Variants in GTF2H5 observed in about 807,000 individuals in gnomAD.
GTF2H5 encodes general transcription factor IIH subunit 5.
In GTF2H5, 5 loss-of-function variants were observed where a neutral mutation model predicts 7.1. The observed-to-expected ratio is 0.71, with a 90% CI of 0.37 to 1.49. GTF2H5 has a LOEUF of 1.49. Ranked by LOEUF, GTF2H5 falls within the 40% of genes most tolerant of loss-of-function variation. The probability of loss-of-function intolerance (pLI) is 0.03; values close to 1 mark genes in which losing one functional copy is unlikely to be tolerated. For synonymous variants in GTF2H5, 30 were observed against 31.7 expected, an observed-to-expected ratio of 0.95 and a Z score of 0.18; for missense variants, 80 against 83.0, an observed-to-expected ratio of 0.96 and a Z score of 0.14.
chr6:158,168,419 C>T (rs1583621482), intron 1 of GTF2H5, 24 bp downstream of exon 1: 4 of 152,350 alleles, frequency 2.6e-5, no homozygotes, highest in Admixed American at 1.3e-4. Context: ...GTCCGAGCGG[C>T]TGGGGAAAGT....
Position 158,170,342 on chromosome 6 carries a change from ACTGT to A in GTF2H5, c.-34-125_-34-122del, listed in dbSNP as rs1355731402. Reference sequence around the variant, plus strand: ...CAGAATGTCTTTTTTCTTAATGTTAACTGTCTTTCATAGACTTAACTGTTAAATA... The same window carrying A: ...CAGAATGTCTTTTTTCTTAATGTTAACTTTCATAGACTTAACTGTTAAATA... On this transcript the variant is annotated intron_variant, in intron 1 of 2. Coordinates refer to ENST00000607778, the MANE Select transcript of GTF2H5 (RefSeq NM_207118.3). 24 of 631,372 alleles carry A rather than the reference ACTGT, an allele frequency of 3.8e-5. No homozygotes were observed. The South Asian group carries it at 4.1e-4, about 11-fold the overall frequency. 39.1% of individuals were successfully genotyped at this position (631,372 alleles called of 1,614,324 possible).
At chr6:158,184,891 T>G (rs1238385765) in intron 2 of GTF2H5, among the ~76,000 whole-genome samples, 1 of 152,186 alleles carries the variant, frequency 6.6e-6, no homozygotes, top group Non-Finnish European at 1.5e-5. Flanking sequence ...AGAGTCATAC[T>G]TTATAGGAGC....
Position 158,192,015 on chromosome 6 carries a change from A to T in GTF2H5, c.74A>T (p.Glu25Val). 1.2e-6 allele frequency: 2 copies of T among 1,614,080 alleles called. No homozygotes were observed. The highest frequency in any genetic ancestry group is 1.7e-6 in the Non-Finnish European group (2 of 1,179,924). The change falls in exon 3 of 3, where the codon GAG becomes GTG. Residue 25 changes from glutamate to valine, a missense_variant. Coordinates refer to ENST00000607778, the MANE Select transcript of GTF2H5 (RefSeq NM_207118.3). ...AMKQFLLYLD[E>V]SNALGKKFII... is the part of the protein sequence containing the mutation. ...AAGCAGTTTCTGCTGTACTTGGATGAGTCCAATGCCCTGGGGAAGAAGTTC... is the reference window on the plus strand; with the variant it reads ...AAGCAGTTTCTGCTGTACTTGGATGTGTCCAATGCCCTGGGGAAGAAGTTC...
In GTF2H5 at chr6:158,196,311, T is replaced by C. The variant is rs902622808; in HGVS notation, c.*4154T>C. On this transcript the variant is annotated 3_prime_UTR_variant, in exon 3 of 3. Coordinates refer to ENST00000607778, the MANE Select transcript of GTF2H5 (RefSeq NM_207118.3). ...CAAAAAAAATAAAAATGAAAAGCAC[T>C]GATTGAATCTAGATTCCTTGAGTCC... 6.6e-6 allele frequency: 1 copy of C among 152,114 alleles called. No homozygotes were observed. The highest frequency in any genetic ancestry group is 2.4e-5 in the African/African-American group (1 of 41,428). 9.4% of individuals were successfully genotyped at this position (152,114 alleles called of 1,614,324 possible).
At chr6:158,177,598 T>A (rs1296505145) in intron 2 of GTF2H5, among the ~76,000 whole-genome samples, 1 of 152,196 alleles carries the variant, frequency 6.6e-6, no homozygotes, top group East Asian at 1.9e-4. Flanking sequence ...ATACTTTAAG[T>A]TCTGGGTTAA....
In GTF2H5 at chr6:158,192,198, C is replaced by T; in HGVS notation, c.*41C>T. On this transcript the variant is annotated 3_prime_UTR_variant, in exon 3 of 3. Transcript: ENST00000607778. ...ACCATTTAGGAATTATAAGCAGCAACTGTGAAAGACTTGCCACTCAATATC... is the reference window on the plus strand; with the variant it reads ...ACCATTTAGGAATTATAAGCAGCAATTGTGAAAGACTTGCCACTCAATATC... The T allele has an allele frequency of 1.4e-6, 2 of 1,471,516 alleles. No individual in the cohort carries two copies. The highest frequency in any genetic ancestry group is 1.9e-6 in the Non-Finnish European group (2 of 1,052,834). The allele number at this position is 1,471,516 out of a possible 1,614,324, so 91.2% of individuals were successfully genotyped here.
chr6:158,169,273 T>G (rs939842668), intron 1 of GTF2H5, among the ~76,000 whole-genome samples: 10 of 130,252 alleles, frequency 7.7e-5, no homozygotes, highest in Admixed American at 2.8e-4. Flanking sequence ...TATATGTATT[T>G]TATATATAAT....
rs199635378 is a variant in GTF2H5, at chr6:158,192,082, A to G, written c.141A>G (p.Ala47=). Residue 47 remains alanine, a synonymous_variant, in exon 3 of 3, where the codon GCA becomes GCG. Transcript: ENST00000607778. ...ATGACACTCACGTCTTTGTAATAGC[A>G]GAATTGGTTAATGTCCTCCAGGAGC... The part of the protein sequence containing the change: ...DIDDTHVFVI[A]ELVNVLQERV... 2.6e-5 allele frequency: 42 copies of G among 1,613,742 alleles called. 1 individual carries two copies. The Middle Eastern group carries it at 6.6e-4, about 25-fold the overall frequency.
At chr6:158,186,177 G>A (rs116985073) in intron 2 of GTF2H5, among the ~76,000 whole-genome samples, 503 of 152,348 alleles carry the variant, frequency 3.3e-3, no homozygotes, top group Middle Eastern at 6.8e-3. Context: ...GGCTAAAATA[G>A]CAAGGATGGT....
At chr6:158,182,756 T>C (rs1786027937) in intron 2 of GTF2H5, among the ~76,000 whole-genome samples, 1 of 152,124 alleles carries the variant, frequency 6.6e-6, no homozygotes, top group Non-Finnish European at 1.5e-5. Flanking sequence ...CTACACTGGT[T>C]ATTCTAGTTA....
In GTF2H5 at chr6:158,168,976, G is replaced by A. The variant is rs140042145; in HGVS notation, c.-35+581G>A. Among the ~76,000 whole-genome samples the A allele has an allele frequency of 1.4e-3, 207 of 152,140 alleles. 3 individuals carry two copies. The highest frequency in any genetic ancestry group is 4.8e-3 in the African/African-American group (199 of 41,482). On this transcript the variant is annotated intron_variant, in intron 1 of 2. Transcript: ENST00000607778. The stretch of plus-strand genomic sequence containing the variant: ...TGGCCTGGCGCGGTGGCTCACACCT[G>A]TTGTCCCAGCACTTTGGGAGGCCGA...
chr6:158,180,132 C>A (rs192089951), intron 2 of GTF2H5, among the ~76,000 whole-genome samples: 1 of 152,024 alleles, frequency 6.6e-6, no homozygotes, highest in South Asian at 2.1e-4. Context: ...TTGAGATAAT[C>A]GTGGTTTTTG....
At position 158,169,587 on chromosome 6, in the gene GTF2H5, T is replaced by C. The variant is rs1382593406; in HGVS notation, c.-34-883T>C. On this transcript the variant is annotated intron_variant, in intron 1 of 2. Transcript: ENST00000607778. The stretch of plus-strand genomic sequence containing the variant: ...ATAATATATTGTATATTATATATAA[T>C]ATATTGTATATTACATATATTGTAT... 3.2e-4 allele frequency among the ~76,000 whole-genome samples: 23 copies of C among 72,780 alleles called. 2 individuals carry two copies. The highest frequency in any genetic ancestry group is 4.9e-4 in the Non-Finnish European group (21 of 43,278). The allele number at this position is 72,780 out of a possible 152,430, so 47.7% of individuals were successfully genotyped here. A position where few individuals can be genotyped will look rare whatever the true frequency, so the allele number is the denominator to read the frequency against.
intron 2 of GTF2H5, among the ~76,000 whole-genome samples, chr6:158,187,692 C>G (rs973421415): frequency 3.9e-5 from 6 of 152,118 alleles, no homozygotes; most frequent in South Asian, 2.1e-4. Context: ...CTCAGCCTCC[C>G]GAGTAGCTGG....
intron 2 of GTF2H5, among the ~76,000 whole-genome samples, chr6:158,182,717 C>T (rs1421803434): frequency 6.6e-6 from 1 of 151,948 alleles, no homozygotes; most frequent in Non-Finnish European, 1.5e-5. Flanking sequence ...CTGTGGTTTT[C>T]AGCACCATCA....
At chr6:158,175,274 T>A (rs1355888095) in intron 2 of GTF2H5, among the ~76,000 whole-genome samples, 1 of 152,144 alleles carries the variant, frequency 6.6e-6, no homozygotes, top group Non-Finnish European at 1.5e-5. Context: ...ATACTAGGCC[T>A]CCTTTTAGCA....
chr6:158,181,523 T>C (rs1786010144), intron 2 of GTF2H5, among the ~76,000 whole-genome samples: 1 of 152,206 alleles, frequency 6.6e-6, no homozygotes, highest in African/African-American at 2.4e-5. Flanking sequence ...TTTGTAGGTC[T>C]CTAAGAACTT....
At position 158,178,782 on chromosome 6, in the gene GTF2H5, C is replaced by T. The variant is rs1785967880; in HGVS notation, c.35+8244C>T. Among the ~76,000 whole-genome samples the T allele has an allele frequency of 1.3e-5, 2 of 152,134 alleles. 1 individual carries two copies. Among genetic ancestry groups the T allele is most frequent in the South Asian group, 4.2e-4 (2 of 4,814 alleles). ...TGTCAGACAGGTAGATTGCAAAAAT[C>T]TCCCATTCTGTAGGTTGCCTGTTCA... On this transcript the variant is annotated intron_variant, in intron 2 of 2. Transcript: ENST00000607778.
rs1169667103 is a variant in GTF2H5, at chr6:158,170,490, C to T, written c.-14C>T. ...ATTAGCATTCTTCAGGTCATCTGAA[C>T]CTTCTGAGAAAACATGGTCAACGTC... On this transcript the variant is annotated 5_prime_UTR_variant, in exon 2 of 3. Transcript: ENST00000607778. 12 of 1,603,378 alleles carry T rather than the reference C, an allele frequency of 7.5e-6. No homozygotes were observed. The highest frequency in any genetic ancestry group is 1.0e-5 in the Non-Finnish European group (12 of 1,170,224).
Sources: gnomAD v4.1 joint callset for allele counts (sites outside exome capture counted in the v4.1 genomes callset) on GRCh38, gnomAD v4.1.1 for gene constraint, MANE v1.5 for transcripts, NCBI Gene and HGNC (gene_info 2026-07-23, HGNC 2026-07-21) for gene names.